Variants in SREK1IP1 observed in about 807,000 individuals in gnomAD.
SREK1IP1 encodes the protein SREK1 interacting protein 1, also known as protein SREK1IP1.
In SREK1IP1, 12 loss-of-function variants were observed where a neutral mutation model predicts 22.8. That is an observed-to-expected ratio of 0.53 (90% CI 0.34 to 0.85). The LOEUF (loss-of-function observed/expected upper bound fraction) is 0.85. Among genes scored for constraint, SREK1IP1 ranks in the 40% least tolerant of loss-of-function variants. SREK1IP1 has a pLI of 0.02. For missense variants in SREK1IP1, 147 were observed against 171.8 expected, an observed-to-expected ratio of 0.86 and a Z score of 0.81; for synonymous variants, 53 against 52.7, an observed-to-expected ratio of 1.01 and a Z score of -0.02.
At chr5:64,758,030 G>A (rs1421845527) in intron 1 of SREK1IP1, among the ~76,000 whole-genome samples, 8 of 149,724 alleles carry the variant, frequency 5.3e-5, no homozygotes, top group Non-Finnish European at 1.0e-4. Context: ...CCGCCACCAC[G>A]CCAGGCTAAT....
intron 3 of SREK1IP1, 78 bp downstream of exon 3, chr5:64,740,979 A>T: frequency 7.8e-7 from 1 of 1,282,398 alleles, no homozygotes; most frequent in Non-Finnish European, 1.1e-6. Context: ...AGATCTTAGT[A>T]AGTATAATGG....
At chr5:64,743,712 T>C (rs960453921) in intron 2 of SREK1IP1, among the ~76,000 whole-genome samples, 1 of 152,212 alleles carries the variant, frequency 6.6e-6, no homozygotes, top group African/African-American at 2.4e-5. Flanking sequence ...TTGCTATATA[T>C]TTTGAGACAT....
At chr5:64,725,168 T>C (rs967623969) in intron 4 of SREK1IP1, among the ~76,000 whole-genome samples, 2 of 152,128 alleles carry the variant, frequency 1.3e-5, no homozygotes, top group African/African-American at 4.8e-5. Flanking sequence ...GATGCTTTTA[T>C]GCTATATATA....
intron 3 of SREK1IP1, among the ~76,000 whole-genome samples, chr5:64,732,814 T>A (rs1041400797): frequency 4.0e-5 from 6 of 151,102 alleles, no homozygotes. Context: ...GCTATATGAA[T>A]AAAGACTATG....
intron 4 of SREK1IP1, among the ~76,000 whole-genome samples, chr5:64,725,505 A>G (rs1422901740): frequency 6.6e-6 from 1 of 152,188 alleles, no homozygotes. Flanking sequence ...GGAGGTGCCA[A>G]TGTAAATTCA....
At chr5:64,746,044 A>C (rs920368127) in intron 2 of SREK1IP1, among the ~76,000 whole-genome samples, 1 of 152,244 alleles carries the variant, frequency 6.6e-6, no homozygotes, top group Non-Finnish European at 1.5e-5. Flanking sequence ...AATGGAATAG[A>C]ATTGAAAGTC....
At chr5:64,742,109 T>C (rs993879811) in intron 2 of SREK1IP1, among the ~76,000 whole-genome samples, 3 of 152,158 alleles carry the variant, frequency 2.0e-5, no homozygotes, top group African/African-American at 7.2e-5. Context: ...CTGCAATTTT[T>C]TCCTGCCACC....
At chr5:64,736,050 T>A (rs1311026375) in intron 3 of SREK1IP1, among the ~76,000 whole-genome samples, 1 of 152,242 alleles carries the variant, frequency 6.6e-6, no homozygotes, top group Non-Finnish European at 1.5e-5. Flanking sequence ...CAAATGTGTT[T>A]TTATTTTCAT....
rs1742306650 is a variant in SREK1IP1 at position 64,728,127 on chromosome 5, T to C, written c.258A>G (p.Lys86=). The C allele has an allele frequency of 7.1e-7, 1 of 1,417,372 alleles. No individual in the cohort carries two copies. The highest frequency in any genetic ancestry group is 1.5e-5 in the African/African-American group (1 of 64,548). 87.8% of individuals were successfully genotyped at this position (1,417,372 alleles called of 1,614,324 possible). A position where few individuals can be genotyped will look rare whatever the true frequency, so the allele number is the denominator to read the frequency against. Residue 86 remains lysine (K), a synonymous_variant, in exon 4 of 5, where the codon AAA becomes AAG. Transcript: ENST00000513458. The stretch of plus-strand genomic sequence containing the variant: ...AATACCTTTTCCTTTTTTTTTTCAA[T>C]TTGATTTTTTCTTTGCTTTTTTCTT... ...KKKEKSKEKI[K]LKKKRKRSYS... is the part of the protein sequence containing the mutation.
intron 3 of SREK1IP1, among the ~76,000 whole-genome samples, chr5:64,734,609 G>C (rs1742428671): frequency 6.6e-6 from 1 of 151,592 alleles, no homozygotes; most frequent in Non-Finnish European, 1.5e-5. Context: ...ACAATATTTT[G>C]TAAAATATGT....
At chr5:64,768,425 C>T in intron 1 of SREK1IP1, 80 bp downstream of exon 1, 1 of 1,588,668 alleles carries the variant, frequency 6.3e-7, no homozygotes, top group Non-Finnish European at 8.6e-7. Context: ...GGCGCTGCTC[C>T]GTACACGCCG....
intron 1 of SREK1IP1, among the ~76,000 whole-genome samples, chr5:64,755,629 C>A (rs1057028959): frequency 6.6e-6 from 1 of 151,932 alleles, no homozygotes; most frequent in Non-Finnish European, 1.5e-5. Context: ...GGGATTTGTA[C>A]CCCAAACCTC....
intron 2 of SREK1IP1, among the ~76,000 whole-genome samples, chr5:64,751,973 T>C (rs1488707154): frequency 6.6e-6 from 1 of 152,116 alleles, no homozygotes; most frequent in Non-Finnish European, 1.5e-5. Flanking sequence ...TACTAATCTT[T>C]TAATCATACT....
At chr5:64,739,565 T>C (rs182311085) in intron 3 of SREK1IP1, among the ~76,000 whole-genome samples, 4 of 152,274 alleles carry the variant, frequency 2.6e-5, no homozygotes, top group Admixed American at 2.0e-4. Context: ...CTGAAGAATT[T>C]AGCTTTTTCA....
intron 1 of SREK1IP1, among the ~76,000 whole-genome samples, chr5:64,758,400 T>A (rs149518933): frequency 3.3e-5 from 5 of 152,294 alleles, no homozygotes; most frequent in African/African-American, 9.6e-5. Context: ...TAATATGTCA[T>A]TGAAGCTTTT....
At position 64,768,584 on chromosome 5, in the gene SREK1IP1, G is replaced by A; in HGVS notation, c.-67C>T. The A allele has an allele frequency of 6.2e-7, 1 of 1,611,564 alleles. No homozygotes were observed. The highest frequency in any genetic ancestry group is 8.5e-7 in the Non-Finnish European group (1 of 1,178,420). On this transcript the variant is annotated 5_prime_UTR_variant, in exon 1 of 5. Transcript: ENST00000513458. ...AAGGCGCTTGCTTCCCGCCAGCTGT[G>A]AGAACAAGGCACAGTCAAAGCGGCG...
intron 1 of SREK1IP1, chr5:64,754,654 G>A: frequency 3.7e-6 from 1 of 268,408 alleles, no homozygotes; most frequent in East Asian, 7.3e-5. Context: ...TTGCAGAGAT[G>A]AGGTTGTGCT....
Position 64,747,512 on chromosome 5 carries a change from T to C in SREK1IP1, c.62-6312A>G, listed in dbSNP as rs546083376. Among the ~76,000 whole-genome samples, 454 of 152,304 alleles carry C rather than the reference T, an allele frequency of 3.0e-3. 4 individuals are homozygous for C. Among genetic ancestry groups the C allele is most frequent in the Non-Finnish European group, 4.9e-3 (334 of 68,020 alleles). ...ACAATGACCAAATATACATTTCTTA[T>C]GATCATAAATGGCTATTTTTTAAAA... On this transcript the variant is annotated intron_variant, in intron 2 of 4. Transcript: ENST00000513458.
chr5:64,727,553 A>ATATATATTTTTTTTTTTTTTTT, intron 4 of SREK1IP1: 4 of 84,716 alleles, frequency 4.7e-5, no homozygotes, highest in African/African-American at 2.2e-4. Flanking sequence ...ATATATATAT[A>ATATATATTTTTTTTTTTTTTTT]TTTTTTTTTT....
Sources: gnomAD v4.1 joint callset for allele counts (sites outside exome capture counted in the v4.1 genomes callset) on GRCh38, gnomAD v4.1.1 for gene constraint, MANE v1.5 for transcripts, NCBI Gene and HGNC (gene_info 2026-07-23, HGNC 2026-07-21) for gene names.